The following DCAF7 variants were observed in gnomAD, a reference collection of about 807,000 sequenced individuals.
The protein encoded by DCAF7 is DDB1- and CUL4-associated factor 7.
Under a neutral mutation model 41.2 loss-of-function variants are expected in DCAF7, and 4 were observed. The observed-to-expected ratio is 0.10, with a 90% CI of 0.05 to 0.22. The LOEUF (loss-of-function observed/expected upper bound fraction) is 0.22, where lower values mean the gene tolerates loss of function less well. Ranked by LOEUF, DCAF7 falls within the 10% of genes least tolerant of loss-of-function variation. The pLI, the probability that DCAF7 is intolerant of heterozygous loss-of-function variation, is 1.00. For synonymous variants in DCAF7, 143 were observed against 164.2 expected (o/e 0.87, Z 0.99); for missense variants, 131 against 443.2 (o/e 0.30, Z 6.32).
chr17:63,571,410 C>G (rs2033505326), intron 1 of DCAF7, among the ~76,000 whole-genome samples: 1 of 151,866 alleles, frequency 6.6e-6, no homozygotes, highest in Non-Finnish European at 1.5e-5. Flanking sequence ...TAATTATTTA[C>G]AGTTAGTATA....
chr17:63,555,525 C>T (rs2147757335), intron 1 of DCAF7, among the ~76,000 whole-genome samples: 1 of 152,134 alleles, frequency 6.6e-6, no homozygotes, highest in Non-Finnish European at 1.5e-5. Context: ...TTGCGGTAGC[C>T]CTTCAGGATT....
intron 1 of DCAF7, among the ~76,000 whole-genome samples, chr17:63,555,038 T>C (rs2033296446): frequency 6.6e-6 from 1 of 152,232 alleles, no homozygotes; most frequent in African/African-American, 2.4e-5. Flanking sequence ...TTTCTCTTGT[T>C]CTACCTGGCT....
In DCAF7 at chr17:63,583,723, T is replaced by C. The variant is rs2147777244; in HGVS notation, c.738+12T>C. 1.2e-6 allele frequency: 2 copies of C among 1,612,946 alleles called. No individual in the cohort carries two copies. ...TGGATGGAATGGAGGTGAGCACTCC[T>C]CTCAGGCTACCATGGGCCCTGCCTA... is the stretch of plus-strand genomic sequence containing the variant. On this transcript the variant is annotated intron_variant, in intron 5 of 6. Transcript: ENST00000614556.
chr17:63,573,496 G>A (rs1173165216), intron 1 of DCAF7, among the ~76,000 whole-genome samples: 2 of 152,118 alleles, frequency 1.3e-5, no homozygotes, highest in East Asian at 1.9e-4. Flanking sequence ...AGGCCAAGGC[G>A]GGTGGATCAC....
Position 63,550,487 on chromosome 17 carries a change from C to A in DCAF7, c.-191C>A. ...AAACGGAAGGTGGTTGTCGTCCGTT[C>A]CCAAGCTGGTTTGAAACTAGGGGTC... On this transcript the variant is annotated 5_prime_UTR_variant, in exon 1 of 7. Coordinates refer to ENST00000614556, the MANE Select transcript of DCAF7 (RefSeq NM_005828.5). This position sits in a 1 kb window ranked among gnomAD's most constrained non-coding sequence, Gnocchi z 4.8. 1.1e-6 allele frequency: 1 copy of A among 937,644 alleles called. No homozygotes were observed. The highest frequency in any genetic ancestry group is 1.5e-6 in the Non-Finnish European group (1 of 661,878). The allele number at this position is 937,644 out of a possible 1,614,324, so 58.1% of individuals were successfully genotyped here. A position where few individuals can be genotyped will look rare whatever the true frequency, so the allele number is the denominator to read the frequency against.
Position 63,555,982 on chromosome 17 carries a change from G to T in DCAF7, c.138+5167G>T, listed in dbSNP as rs1045456981. On this transcript the variant is annotated intron_variant, in intron 1 of 6. Coordinates refer to ENST00000614556, the MANE Select transcript of DCAF7 (RefSeq NM_005828.5). ...GAGCCACGAGCCAAAGGTGTGCTGTGCCAGAATTCATCTTAAAGTTTAATA... is the reference window on the plus strand; with the variant it reads ...GAGCCACGAGCCAAAGGTGTGCTGTTCCAGAATTCATCTTAAAGTTTAATA... Among the ~76,000 whole-genome samples, 17 of 152,168 alleles carry T rather than the reference G, an allele frequency of 1.1e-4. No homozygotes were observed. In the East Asian group the frequency reaches 2.5e-3, roughly 22 times the overall value.
chr17:63,559,732 G>T (rs368533209), intron 1 of DCAF7, among the ~76,000 whole-genome samples: 1 of 151,828 alleles, frequency 6.6e-6, no homozygotes, highest in South Asian at 2.1e-4. Context: ...AACCCAGGAG[G>T]CAGAGATTGC....
At chr17:63,565,697 A>G (rs922358005) in intron 1 of DCAF7, among the ~76,000 whole-genome samples, 2 of 152,242 alleles carry the variant, frequency 1.3e-5, no homozygotes, top group Non-Finnish European at 2.9e-5. Context: ...GAGAGGATTA[A>G]ATGAGATGAT....
At chr17:63,567,675 C>T (rs974691779) in intron 1 of DCAF7, among the ~76,000 whole-genome samples, 12 of 152,070 alleles carry the variant, frequency 7.9e-5, no homozygotes, top group African/African-American at 2.9e-4. Flanking sequence ...TTTTTTCCCC[C>T]CTAAGACAAG....
intron 1 of DCAF7, among the ~76,000 whole-genome samples, chr17:63,562,380 G>A (rs961886953): frequency 2.0e-5 from 3 of 152,076 alleles, no homozygotes; most frequent in East Asian, 1.9e-4. Context: ...GTGGGGGTGC[G>A]CACGGACACT....
At chr17:63,553,471 G>A (rs2033280104) in intron 1 of DCAF7, among the ~76,000 whole-genome samples, 1 of 152,192 alleles carries the variant, frequency 6.6e-6, no homozygotes, top group African/African-American at 2.4e-5. Context: ...TTGGTGAGCA[G>A]CAAATCCTGC....
intron 1 of DCAF7, among the ~76,000 whole-genome samples, chr17:63,571,250 T>C: frequency 6.6e-6 from 1 of 152,104 alleles, no homozygotes; most frequent in Middle Eastern, 3.4e-3. Context: ...AATAGTATAA[T>C]TATATTTATG....
At chr17:63,583,112 C>T (rs1315859052) in intron 4 of DCAF7, among the ~76,000 whole-genome samples, 4 of 152,182 alleles carry the variant, frequency 2.6e-5, no homozygotes, top group African/African-American at 9.7e-5. Flanking sequence ...ATGATCTAGG[C>T]CTTAATGAGC....
intron 6 of DCAF7, among the ~76,000 whole-genome samples, chr17:63,588,189 A>AT (rs377638787): frequency 0.23 from 27,477 of 120,158 alleles, 3,716 homozygotes; most frequent in Middle Eastern, 0.3. Context: ...ATTTTCTTGG[A>AT]TTTTTTTTTT....
At chr17:63,572,353 A>G (rs2033516731) in intron 1 of DCAF7, among the ~76,000 whole-genome samples, 1 of 152,202 alleles carries the variant, frequency 6.6e-6, no homozygotes, top group Non-Finnish European at 1.5e-5. Context: ...AACATTGGGC[A>G]GGATTTGGGT....
intron 1 of DCAF7, among the ~76,000 whole-genome samples, chr17:63,551,316 G>T (rs1371819030): frequency 4.1e-5 from 1 of 24,266 alleles, no homozygotes; most frequent in African/African-American, 1.1e-4. Flanking sequence ...CACCCCCCCC[G>T]GGTACTCATG....
intron 1 of DCAF7, among the ~76,000 whole-genome samples, chr17:63,571,720 G>T (rs1001296131): frequency 6.6e-6 from 1 of 152,054 alleles, no homozygotes; most frequent in African/African-American, 2.4e-5. Context: ...GTCAAGGAAA[G>T]ATCGAATCTC....
At chr17:63,568,394 G>A (rs2033468177) in intron 1 of DCAF7, among the ~76,000 whole-genome samples, 1 of 152,188 alleles carries the variant, frequency 6.6e-6, no homozygotes, top group Non-Finnish European at 1.5e-5. Context: ...ACTATATGTA[G>A]AAAGTTCTTA....
At chr17:63,556,228 T>G (rs1438795636) in intron 1 of DCAF7, among the ~76,000 whole-genome samples, 1 of 152,242 alleles carries the variant, frequency 6.6e-6, no homozygotes, top group Non-Finnish European at 1.5e-5. Context: ...AAATTACATA[T>G]ACATACACAC....
Sources: allele counts gnomAD v4.1 joint callset (sites outside exome capture counted in the v4.1 genomes callset), GRCh38; gene constraint gnomAD v4.1.1; non-coding constraint Gnocchi (gnomAD v3.1); transcripts MANE v1.5; gene names NCBI Gene and HGNC (gene_info 2026-07-23, HGNC 2026-07-21).